Variants in INTS8 observed in about 807,000 individuals in gnomAD.
INTS8 encodes the protein integrator complex subunit 8.
INTS8 carries 47 observed loss-of-function variants against 138.9 expected under a neutral mutation model. The observed-to-expected ratio is 0.34, with a 90% CI of 0.27 to 0.43. The LOEUF is 0.43. INTS8 is among the 20% of genes least tolerant of loss of function. The probability of loss-of-function intolerance (pLI) is 1.00; values close to 1 mark genes in which losing one functional copy is unlikely to be tolerated. For synonymous variants in INTS8, 392 were observed against 400.9 expected (o/e 0.98, Z 0.27); for missense variants, 996 against 1,173.0 (o/e 0.85, Z 2.20).
In INTS8 at chr8:94,849,342, C is replaced by G. The variant is rs563614660; in HGVS notation, c.1261-120C>G. On this transcript the variant is annotated intron_variant, in intron 10 of 26. Coordinates refer to ENST00000523731, the MANE Select transcript of INTS8 (RefSeq NM_017864.4). Reference sequence around the variant, plus strand: ...CTTCTGTTAAGTTACTTAACTAAATCTGTGATTGGTACATTGTTGAAAAAG... The same window carrying G: ...CTTCTGTTAAGTTACTTAACTAAATGTGTGATTGGTACATTGTTGAAAAAG... The G allele has an allele frequency of 4.6e-6, 3 of 649,132 alleles. No individual in the cohort carries two copies. The South Asian group carries it at 5.5e-5, about 12-fold the overall frequency. The allele number at this position is 649,132 out of a possible 1,614,324, so 40.2% of individuals were successfully genotyped here.
chr8:94,838,200 C>T (rs144214301), intron 7 of INTS8, among the ~76,000 whole-genome samples: 7 of 151,976 alleles, frequency 4.6e-5, no homozygotes, highest in East Asian at 3.9e-4. Context: ...TACAGGTGCC[C>T]GCCACCATGC....
At chr8:94,859,467 A>G (rs775205325) in intron 15 of INTS8, 44 bp from the exon 16 acceptor site, 5 of 1,584,176 alleles carry the variant, frequency 3.2e-6, no homozygotes, top group Admixed American at 1.7e-5. Context: ...TCCTATTTTA[A>G]TGTTGTGATG....
At chr8:94,829,101 C>G (rs1814617036) in intron 5 of INTS8, 75 bp downstream of exon 5, 1 of 1,109,794 alleles carries the variant, frequency 9.0e-7, no homozygotes, top group African/African-American at 1.6e-5. Context: ...CTTTTTGGCA[C>G]CAGGGACTGG....
Position 94,871,866 on chromosome 8 carries a change from G to T in INTS8, c.2415-18G>T, listed in dbSNP as rs1181702928. The T allele has an allele frequency of 2.3e-6, 3 of 1,299,432 alleles. No individual in the cohort carries two copies. The highest frequency in any genetic ancestry group is 2.9e-5 in the African/African-American group (2 of 68,178). The allele number at this position is 1,299,432 out of a possible 1,614,324, so 80.5% of individuals were successfully genotyped here. ...GACTTTTAAAATAGAGATTAATGTT[G>T]TGTGTCTTTCCTTTTAGCCTCCAGT... On this transcript the variant is annotated intron_variant, in intron 20 of 26. Transcript: ENST00000523731.
Position 94,851,262 on chromosome 8 carries a change from T to C in INTS8, c.1508-291T>C, listed in dbSNP as rs183466469. ...AGTCTGTAAGTTAATTATTTTCATATATTCCACATAGTTCTTTGCATGAAA... is the reference window on the plus strand; with the variant it reads ...AGTCTGTAAGTTAATTATTTTCATACATTCCACATAGTTCTTTGCATGAAA... On this transcript the variant is annotated intron_variant, in intron 12 of 26. Coordinates refer to ENST00000523731, the MANE Select transcript of INTS8 (RefSeq NM_017864.4). Among the ~76,000 whole-genome samples, 9 of 152,360 alleles carry C rather than the reference T, an allele frequency of 5.9e-5. No homozygotes were observed. The East Asian group carries it at 1.3e-3, about 23-fold the overall frequency.
rs992497935 is a variant in INTS8 at position 94,843,905 on chromosome 8, C to T, written c.1260+1417C>T. On this transcript the variant is annotated intron_variant, in intron 10 of 26. Coordinates refer to ENST00000523731, the MANE Select transcript of INTS8 (RefSeq NM_017864.4). ...GATCGCCTGTGAGGTGGTTGTATAA[C>T]AGTACCTCATTGAGGTTTTCATTTC... Among the ~76,000 whole-genome samples the T allele has an allele frequency of 4.2e-4, 64 of 152,046 alleles. 1 individual carries two copies. Among genetic ancestry groups the T allele is most frequent in the African/African-American group, 1.5e-3 (62 of 41,474 alleles).
At position 94,853,882 on chromosome 8, in the gene INTS8, T is replaced by C. The variant is rs550404200; in HGVS notation, c.1719T>C (p.Leu573=). Residue 573 remains leucine, a synonymous_variant, in exon 14 of 27, where the codon CTT becomes CTC. Coordinates refer to ENST00000523731, the MANE Select transcript of INTS8 (RefSeq NM_017864.4). ...DNLTRDLVYI[L]MAKGLHCSTV... ...TAACAAGAGATTTGGTTTATATTCTTATGGCCAAAGGTTTGCACTGCAGTA... is the reference window on the plus strand; with the variant it reads ...TAACAAGAGATTTGGTTTATATTCTCATGGCCAAAGGTTTGCACTGCAGTA... The C allele has an allele frequency of 3.7e-6, 6 of 1,608,218 alleles. No homozygotes were observed. In the South Asian group the frequency reaches 5.5e-5, roughly 15 times the overall value.
At chr8:94,839,711 G>A (rs973671507) in intron 8 of INTS8, among the ~76,000 whole-genome samples, 8 of 152,192 alleles carry the variant, frequency 5.3e-5, no homozygotes, top group Admixed American at 2.0e-4. Flanking sequence ...TATGAAGGGT[G>A]AGATCAATTA....
At position 94,867,191 on chromosome 8, in the gene INTS8, G is replaced by T. The variant is rs139992804; in HGVS notation, c.2347G>T (p.Val783Phe). The T allele has an allele frequency of 1.1e-5, 18 of 1,609,122 alleles. No homozygotes were observed. The African/African-American group carries it at 1.3e-4, about 12-fold the overall frequency. Residue 783 changes from valine (V) to phenylalanine (F), a missense_variant, in exon 19 of 27, where the codon GTT (valine) becomes TTT (phenylalanine). Physicochemically the swap from Val to Phe is conservative, Grantham distance 50. Coordinates refer to ENST00000523731, the MANE Select transcript of INTS8 (RefSeq NM_017864.4). ...ATCACTCTTTGTGAAACTTCACAAT[G>T]TTCGGGTAAGTATTTCATAATTTCA... ...ILSLFVKLHN[V>F]REDIVNDITA...
rs1816754324 is a variant in INTS8, at chr8:94,880,244, T to A, written c.*10T>A. ...AAAACTTTACTTTTAAGCAGTTAAA[T>A]TTTTTTAACTTTTATTTTTTAAACA... On this transcript the variant is annotated 3_prime_UTR_variant, in exon 27 of 27. Transcript: ENST00000523731. 1 of 1,427,536 alleles carries A rather than the reference T, an allele frequency of 7.0e-7. No homozygotes were observed. The highest frequency in any genetic ancestry group is 9.7e-7 in the Non-Finnish European group (1 of 1,027,636). 88.4% of individuals were successfully genotyped at this position (1,427,536 alleles called of 1,614,324 possible). A position where few individuals can be genotyped will look rare whatever the true frequency, so the allele number is the denominator to read the frequency against.
chr8:94,865,086 A>G lies in INTS8; in HGVS notation c.2077-420A>G, dbSNP rs74763108. 9.1e-3 allele frequency among the ~76,000 whole-genome samples: 1,375 copies of G among 151,768 alleles called. 18 individuals carry two copies. The highest frequency in any genetic ancestry group is 0.032 in the African/African-American group (1,309 of 41,342). Reference sequence around the variant, plus strand: ...TGGGAGAGAGAGAGATCTGAGCACTATTTTAACCTCACCCCCTGGGCTTTT... The same window carrying G: ...TGGGAGAGAGAGAGATCTGAGCACTGTTTTAACCTCACCCCCTGGGCTTTT... On this transcript the variant is annotated intron_variant, in intron 16 of 26. Transcript: ENST00000523731.
intron 20 of INTS8, among the ~76,000 whole-genome samples, chr8:94,870,829 C>T (rs1816369604): frequency 6.6e-6 from 1 of 152,158 alleles, no homozygotes; most frequent in Admixed American, 6.5e-5. Flanking sequence ...CCTGTATTCT[C>T]TACCCTTGTG....
chr8:94,835,702 C>G (rs184765912), intron 6 of INTS8, among the ~76,000 whole-genome samples: 1 of 151,980 alleles, frequency 6.6e-6, no homozygotes, highest in African/African-American at 2.4e-5. Context: ...CGGGTTCAAG[C>G]GATTCTCCTG....
chr8:94,859,360 T>A, intron 15 of INTS8, 151 bp from the exon 16 acceptor site: 2 of 629,720 alleles, frequency 3.2e-6, no homozygotes, highest in Non-Finnish European at 5.3e-6. Context: ...GTGATCCTCC[T>A]GCCTTGGCCT....
chr8:94,853,368 T>C (rs1043525986), intron 13 of INTS8, among the ~76,000 whole-genome samples: 3 of 152,094 alleles, frequency 2.0e-5, no homozygotes, highest in Non-Finnish European at 2.9e-5. Flanking sequence ...ATGATAGTTA[T>C]GATAGGGGAT....
At chr8:94,868,279 C>A (rs1243673992) in intron 20 of INTS8, among the ~76,000 whole-genome samples, 5 of 152,140 alleles carry the variant, frequency 3.3e-5, no homozygotes, top group African/African-American at 1.2e-4. Flanking sequence ...TCCTCCCTGC[C>A]CTCCCTCTCA....
chr8:94,860,251 G>C (rs1815904031), intron 16 of INTS8: 1 of 150,504 alleles, frequency 6.6e-6, no homozygotes, highest in African/African-American at 2.5e-5. Flanking sequence ...TGAGTAAGTA[G>C]TGGGTTTTTC....
At chr8:94,842,531 T>C (rs763050344) in intron 10 of INTS8, 43 bp downstream of exon 10, 11 of 1,531,492 alleles carry the variant, frequency 7.2e-6, no homozygotes, top group African/African-American at 1.4e-5. Context: ...ATAATTTGCT[T>C]TAAGCTTACC....
chr8:94,879,806 G>C (rs917071967), intron 26 of INTS8: 3 of 177,202 alleles, frequency 1.7e-5, no homozygotes, highest in Admixed American at 6.2e-5. Context: ...TGGAGCCCTA[G>C]TTTAACTCTA....
Sources: allele counts gnomAD v4.1 joint callset (sites outside exome capture counted in the v4.1 genomes callset), GRCh38; gene constraint gnomAD v4.1.1; transcripts MANE v1.5; gene names NCBI Gene and HGNC (gene_info 2026-07-23, HGNC 2026-07-21).